CNTN6: variants seen among roughly 807,000 people sequenced by gnomAD.
CNTN6 encodes contactin-6.
In CNTN6, 137 loss-of-function variants were observed where a neutral mutation model predicts 122.8. The ratio of observed to expected loss-of-function variants is 1.12; its 90% CI spans 0.97 to 1.29. CNTN6 has a LOEUF of 1.29. Among genes scored for constraint, CNTN6 ranks in the 50% most tolerant of loss-of-function variants. CNTN6 has a pLI of 0.00. For missense variants in CNTN6, 1,634 were observed against 1,223.4 expected (o/e 1.34, Z -5.01); for synonymous variants, 570 against 426.0 (o/e 1.34, Z -4.16).
intron 5 of CNTN6, among the ~76,000 whole-genome samples, chr3:1,279,501 T>A (rs867310758): frequency 6.6e-6 from 1 of 152,226 alleles, no homozygotes; most frequent in African/African-American, 2.4e-5. Flanking sequence ...GTATAATTAT[T>A]GTTTTACAGG....
At chr3:1,244,355 GTGAAGGAGAAGGGGTTGAGGGGTA>G (rs2094528896) in intron 4 of CNTN6, among the ~76,000 whole-genome samples, 1 of 151,508 alleles carries the variant, frequency 6.6e-6, no homozygotes, top group South Asian at 2.1e-4. Context: ...GCCGCTGAGG[GTGAAGGAGAAGGGGTTGAGGGGTA>G]CTTGGCCCTG....
chr3:1,366,839 A>G (rs910200876), intron 12 of CNTN6, among the ~76,000 whole-genome samples: 1 of 152,156 alleles, frequency 6.6e-6, no homozygotes, highest in African/African-American at 2.4e-5. Context: ...TCACCCACAC[A>G]GGAGGCTACT....
At chr3:1,319,663 T>C (rs1432414973) in intron 7 of CNTN6, among the ~76,000 whole-genome samples, 1 of 151,468 alleles carries the variant, frequency 6.6e-6, no homozygotes, top group East Asian at 1.9e-4. Flanking sequence ...ATGTATTTGT[T>C]ATAAATCTCA....
chr3:1,350,745 C>G (rs568850007), intron 11 of CNTN6, among the ~76,000 whole-genome samples: 1 of 151,896 alleles, frequency 6.6e-6, no homozygotes, highest in African/African-American at 2.4e-5. Flanking sequence ...GCAGACCTAT[C>G]ATTTCTGTCA....
At chr3:1,388,954 G>T (rs1453594032) in intron 20 of CNTN6, among the ~76,000 whole-genome samples, 6,579 of 90,736 alleles carry the variant, frequency 0.073, no homozygotes, top group Non-Finnish European at 0.094. Context: ...ACCTGAAAGT[G>T]ATGGGGAGAA....
intron 20 of CNTN6, among the ~76,000 whole-genome samples, chr3:1,389,411 A>C (rs1190198608): frequency 6.6e-6 from 1 of 152,066 alleles, no homozygotes; most frequent in Non-Finnish European, 1.5e-5. Context: ...TCCTGAAGGA[A>C]GCACTAAACA....
chr3:1,227,714 T>A (rs1431888139), intron 3 of CNTN6, 104 bp from the exon 4 acceptor site: 1 of 1,217,438 alleles, frequency 8.2e-7, no homozygotes, highest in East Asian at 2.4e-5. Context: ...AATCATGTTT[T>A]TTGGTGTTTT....
At chr3:1,287,320 C>T (rs1437212686) in intron 5 of CNTN6, among the ~76,000 whole-genome samples, 1 of 152,146 alleles carries the variant, frequency 6.6e-6, no homozygotes, top group Non-Finnish European at 1.5e-5. Flanking sequence ...ATGCCAATCG[C>T]ACTGCCTCCT....
chr3:1,387,800 C>T (rs533796680), intron 20 of CNTN6, among the ~76,000 whole-genome samples: 45 of 152,274 alleles, frequency 3.0e-4, no homozygotes, highest in Admixed American at 1.0e-3. Context: ...AAAGGGGTGA[C>T]GGACGCACCT....
At position 1,102,653 on chromosome 3, in the gene CNTN6, G is replaced by A. The variant is rs927814882; in HGVS notation, c.-83+9533G>A. 1.1e-4 allele frequency among the ~76,000 whole-genome samples: 16 copies of A among 149,920 alleles called. 1 individual carries two copies. Among genetic ancestry groups the A allele is most frequent in the African/African-American group, 3.6e-4 (15 of 41,222 alleles). ...TGAGGCAGGAGAATGGCGGGAACCC[G>A]GGGGGCGGAGCTTGCAGTGAGCAGA... On this transcript the variant is annotated intron_variant, in intron 1 of 22. Coordinates refer to ENST00000446702, the MANE Select transcript of CNTN6 (RefSeq NM_001289080.2).
chr3:1,186,451 T>C (rs2093629279), intron 2 of CNTN6, among the ~76,000 whole-genome samples: 1 of 151,128 alleles, frequency 6.6e-6, no homozygotes, highest in African/African-American at 2.4e-5. Flanking sequence ...AAAAAAAAAA[T>C]CTTTAATTTA....
Position 1,311,397 on chromosome 3 carries a change from T to C in CNTN6, c.762-10253T>C, listed in dbSNP as rs265811. On this transcript the variant is annotated intron_variant, in intron 7 of 22. Coordinates refer to ENST00000446702, the MANE Select transcript of CNTN6 (RefSeq NM_001289080.2). ...TATAAAATGTCTTTATATGTACATA[T>C]ATGTACATATAAAATGTCTTTATAT... 8.8e-3 allele frequency among the ~76,000 whole-genome samples: 748 copies of C among 85,278 alleles called. 52 individuals carry two copies. The highest frequency in any genetic ancestry group is 0.024 in the African/African-American group (434 of 18,332). The allele number at this position is 85,278 out of a possible 152,430, so 55.9% of individuals were successfully genotyped here.
chr3:1,096,829 G>C (rs1056527322), intron 1 of CNTN6, among the ~76,000 whole-genome samples: 2 of 152,142 alleles, frequency 1.3e-5, no homozygotes, highest in African/African-American at 4.8e-5. Flanking sequence ...GCTTCAAGTC[G>C]TGTTTTGGGG....
intron 7 of CNTN6, among the ~76,000 whole-genome samples, chr3:1,311,931 A>C (rs1254015544): frequency 6.6e-6 from 1 of 152,004 alleles, no homozygotes; most frequent in African/African-American, 2.4e-5. Context: ...AGTTTCCATC[A>C]ATTTTGTTTC....
chr3:1,327,606 C>T lies in CNTN6; in HGVS notation c.1213+20C>T. The T allele has an allele frequency of 6.2e-7, 1 of 1,604,104 alleles. No homozygotes were observed. The highest frequency in any genetic ancestry group is 8.5e-7 in the Non-Finnish European group (1 of 1,174,984). Reference sequence around the variant, plus strand: ...TTTTAGGTAAGTCGTTTATTTACAACCAACAAATTCAAAATGACGTTTTAA... The same window carrying T: ...TTTTAGGTAAGTCGTTTATTTACAATCAACAAATTCAAAATGACGTTTTAA... On this transcript the variant is annotated intron_variant, in intron 10 of 22. Transcript: ENST00000446702.
chr3:1,100,024 A>G (rs2090793884), intron 1 of CNTN6, among the ~76,000 whole-genome samples: 1 of 152,160 alleles, frequency 6.6e-6, no homozygotes, highest in South Asian at 2.1e-4. Flanking sequence ...TATTTCTCCC[A>G]GTGCTCATAT....
chr3:1,138,946 C>G (rs2092548702), intron 1 of CNTN6, among the ~76,000 whole-genome samples: 1 of 152,036 alleles, frequency 6.6e-6, no homozygotes, highest in South Asian at 2.1e-4. Flanking sequence ...TCTCTTCTAG[C>G]TTTCTGTGAT....
chr3:1,239,847 T>C lies in CNTN6; in HGVS notation c.358+11854T>C, dbSNP rs567378909. On this transcript the variant is annotated intron_variant, in intron 4 of 22. Coordinates refer to ENST00000446702, the MANE Select transcript of CNTN6 (RefSeq NM_001289080.2). The stretch of plus-strand genomic sequence containing the variant: ...AGGCACATAGACCAATGGAACAGAA[T>C]AGAGAACCCAGAAATAAAGCCAAAA... Among the ~76,000 whole-genome samples, 23 of 152,234 alleles carry C rather than the reference T, an allele frequency of 1.5e-4. No individual in the cohort carries two copies. In the South Asian group the frequency reaches 2.5e-3, roughly 16 times the overall value.
At chr3:1,388,050 G>A (rs1482454262) in intron 20 of CNTN6, among the ~76,000 whole-genome samples, 2 of 152,176 alleles carry the variant, frequency 1.3e-5, no homozygotes, top group Non-Finnish European at 2.9e-5. Context: ...CCAACTGGGT[G>A]GAGCCCACCA....
Sources: allele counts gnomAD v4.1 joint callset (sites outside exome capture counted in the v4.1 genomes callset), GRCh38; gene constraint gnomAD v4.1.1; transcripts MANE v1.5; gene names NCBI Gene and HGNC (gene_info 2026-07-23, HGNC 2026-07-21).